MYLK: variants seen among roughly 807,000 people sequenced by gnomAD.
The protein encoded by MYLK is myosin light chain kinase.
A neutral mutation model predicts 203.4 loss-of-function variants in MYLK; 106 were observed. That is an observed-to-expected ratio of 0.52 (90% CI 0.45 to 0.61). The LOEUF is 0.61. Ranked by LOEUF, MYLK falls within the 20% of genes least tolerant of loss-of-function variation. The pLI, the probability that MYLK is intolerant of heterozygous loss-of-function variation, is 0.00. For synonymous variants in MYLK, 867 were observed against 959.5 expected, an observed-to-expected ratio of 0.90 and a Z score of 1.78; for missense variants, 2,072 against 2,442.3, an observed-to-expected ratio of 0.85 and a Z score of 3.20.
At chr3:123,865,832 C>T (rs2032292484) in intron 2 of MYLK, among the ~76,000 whole-genome samples, 1 of 152,164 alleles carries the variant, frequency 6.6e-6, no homozygotes. Flanking sequence ...AAAAGCAACA[C>T]TATGTGACTT....
intron 21 of MYLK, 123 bp downstream of exon 21, chr3:123,667,014 G>A (rs2059757704): frequency 4.6e-6 from 4 of 866,596 alleles, no homozygotes; most frequent in Non-Finnish European, 7.9e-6. Flanking sequence ...ACTGAGGGTG[G>A]GGGTGGGGTT....
At chr3:123,637,013 C>T (rs1312189119) in intron 29 of MYLK, among the ~76,000 whole-genome samples, 1 of 152,192 alleles carries the variant, frequency 6.6e-6, no homozygotes, top group African/African-American at 2.4e-5. Flanking sequence ...GCATCAGAAT[C>T]GCCCAGAACC....
rs532061977 is a variant in MYLK, at chr3:123,614,903, C to T, written c.5501-554G>A. On this transcript the variant is annotated intron_variant, in intron 33 of 33. Coordinates refer to ENST00000360304, the MANE Select transcript of MYLK (RefSeq NM_053025.4). ...CTCACTGCAGCCTCAACTTCCTGGG[C>T]TCAAGTGATCCTCCTCCCTCAGCCT... Among the ~76,000 whole-genome samples the T allele has an allele frequency of 7.2e-5, 11 of 152,112 alleles. No individual in the cohort carries two copies. In the East Asian group the frequency reaches 2.2e-3, roughly 30 times the overall value.
intron 18 of MYLK, among the ~76,000 whole-genome samples, chr3:123,693,202 C>G (rs910656997): frequency 6.6e-6 from 1 of 152,194 alleles, no homozygotes; most frequent in African/African-American, 2.4e-5. Flanking sequence ...GGCCCTGCCC[C>G]CTGGACGTCA....
intron 31 of MYLK, chr3:123,621,903 CAACTT>C (rs1482343557): frequency 6.6e-6 from 1 of 152,288 alleles, no homozygotes; most frequent in Non-Finnish European, 1.5e-5. Context: ...GAAAACTGAA[CAACTT>C]AACTGTGCGC....
chr3:123,752,193 G>A (rs1029046754), intron 5 of MYLK, 138 bp downstream of exon 5: 2 of 877,800 alleles, frequency 2.3e-6, no homozygotes, highest in Non-Finnish European at 3.8e-6. Flanking sequence ...TAGATTGGAA[G>A]GTCCGGGGTT....
At chr3:123,675,328 G>T (rs185758601) in intron 20 of MYLK, among the ~76,000 whole-genome samples, 1 of 152,290 alleles carries the variant, frequency 6.6e-6, no homozygotes, top group African/African-American at 2.4e-5. Flanking sequence ...CCTCCTAATT[G>T]TTCAGGTAAT....
chr3:123,692,720 G>A lies in MYLK; in HGVS notation c.3565+15C>T. ...CCCTGTGTATGGGTGGCGGCGATGG[G>A]TGGGCACGACCTACCATCCACGGTG... On this transcript the variant is annotated intron_variant, in intron 19 of 33. Coordinates refer to ENST00000360304, the MANE Select transcript of MYLK (RefSeq NM_053025.4). 3 of 1,594,232 alleles carry A rather than the reference G, an allele frequency of 1.9e-6. No homozygotes were observed. Among genetic ancestry groups the A allele is most frequent in the Non-Finnish European group, 2.6e-6 (3 of 1,161,816 alleles).
chr3:123,846,897 T>C (rs1487568903), intron 2 of MYLK, among the ~76,000 whole-genome samples: 3 of 152,028 alleles, frequency 2.0e-5, no homozygotes, highest in Non-Finnish European at 2.9e-5. Context: ...GAAAATGGGA[T>C]CCTTTATCTA....
In MYLK at chr3:123,620,351, C is replaced by T. The variant is rs1310609258; in HGVS notation, c.5239-15G>A. ...TTGCCCGTTTTCTGGAAAATAGACA[C>T]GAGGGTTGGACTCAGGCGTTGTCCC... On this transcript the variant is annotated splice_polypyrimidine_tract_variant and intron_variant, in intron 31 of 33. Transcript: ENST00000360304. 8 of 1,613,858 alleles carry T rather than the reference C, an allele frequency of 5.0e-6. No individual in the cohort carries two copies. The highest frequency in any genetic ancestry group is 1.7e-5 in the Admixed American group (1 of 59,990).
intron 29 of MYLK, among the ~76,000 whole-genome samples, chr3:123,631,396 CAAA>C (rs34937543): frequency 0.26 from 30,845 of 117,802 alleles, 7,355 homozygotes; most frequent in East Asian, 0.61. Context: ...AACTCAATCT[CAAA>C]AAAAAAAAAA....
At chr3:123,781,667 A>G (rs2064303194) in intron 4 of MYLK, among the ~76,000 whole-genome samples, 1 of 152,184 alleles carries the variant, frequency 6.6e-6, no homozygotes, top group Non-Finnish European at 1.5e-5. Flanking sequence ...ATAAAATAAT[A>G]AAATGTTGAA....
chr3:123,765,010 T>A (rs997182284), intron 4 of MYLK, among the ~76,000 whole-genome samples: 2 of 152,202 alleles, frequency 1.3e-5, no homozygotes, highest in African/African-American at 4.8e-5. Flanking sequence ...AGTTTTCATT[T>A]TCTTTCTTTA....
At chr3:123,650,691 C>T (rs747299238) in intron 24 of MYLK, among the ~76,000 whole-genome samples, 17 of 152,112 alleles carry the variant, frequency 1.1e-4, no homozygotes, top group Non-Finnish European at 2.1e-4. Context: ...CGGTTACTGT[C>T]GGGATGTGGG....
At chr3:123,672,025 T>G (rs2059929320) in intron 20 of MYLK, among the ~76,000 whole-genome samples, 1 of 152,036 alleles carries the variant, frequency 6.6e-6, no homozygotes, top group South Asian at 2.1e-4. Flanking sequence ...TGGGCTGAAC[T>G]GTGTCTCCCC....
At chr3:123,708,961 C>G in intron 14 of MYLK, 66 bp from the exon 15 acceptor site, 1 of 1,383,280 alleles carries the variant, frequency 7.2e-7, no homozygotes, top group Non-Finnish European at 1.0e-6. Context: ...AGCAACTCTG[C>G]GCTGAATGCA....
At chr3:123,692,910 T>G in intron 18 of MYLK, 59 bp from the exon 19 acceptor site, 2 of 1,445,142 alleles carry the variant, frequency 1.4e-6, no homozygotes, top group Non-Finnish European at 1.9e-6. Flanking sequence ...CCCTGGCATC[T>G]GGAGCGCAGC....
chr3:123,819,075 G>C (rs1375843299), intron 3 of MYLK, among the ~76,000 whole-genome samples: 3 of 152,180 alleles, frequency 2.0e-5, no homozygotes, highest in Non-Finnish European at 4.4e-5. Flanking sequence ...GTCAGTGCTT[G>C]GTGCATGACA....
intron 4 of MYLK, among the ~76,000 whole-genome samples, chr3:123,765,499 C>A (rs2063674817): frequency 6.7e-6 from 1 of 149,744 alleles, no homozygotes; most frequent in Non-Finnish European, 1.5e-5. Context: ...CCATTGCACT[C>A]TAGCCTGGGT....
Sources: allele counts gnomAD v4.1 joint callset (sites outside exome capture counted in the v4.1 genomes callset), GRCh38; gene constraint gnomAD v4.1.1; transcripts MANE v1.5; gene names NCBI Gene and HGNC (gene_info 2026-07-23, HGNC 2026-07-21).